Variants in MACROD2 observed in about 807,000 individuals in gnomAD.
The protein encoded by MACROD2 is mono-ADP ribosylhydrolase 2.
Under a neutral mutation model 70.4 loss-of-function variants are expected in MACROD2, and 36 were observed. The ratio of observed to expected loss-of-function variants is 0.51; its 90% CI spans 0.39 to 0.68. MACROD2 has a LOEUF of 0.68. Ranked by LOEUF, MACROD2 falls within the 30% of genes least tolerant of loss-of-function variation. MACROD2 has a pLI of 0.00. For synonymous variants in MACROD2, 172 were observed against 178.8 expected, an observed-to-expected ratio of 0.96 and a Z score of 0.30; for missense variants, 496 against 538.4, an observed-to-expected ratio of 0.92 and a Z score of 0.78.
In MACROD2 at chr20:15,855,633, C is replaced by A. The variant is rs142387672; in HGVS notation, c.646-7112C>A. On this transcript the variant is annotated intron_variant, in intron 8 of 17. Transcript: ENST00000684519. ...ACATCCAGGGAGCCAGCATCCAGAT[C>A]AAAAAACCAGGATCCCAGGCATTTC... is the stretch of plus-strand genomic sequence containing the variant. Among the ~76,000 whole-genome samples the A allele has an allele frequency of 3.3e-5, 5 of 152,270 alleles. No homozygotes were observed. The East Asian group carries it at 7.7e-4, about 24-fold the overall frequency.
intron 5 of MACROD2, among the ~76,000 whole-genome samples, chr20:14,932,444 A>G (rs1160011446): frequency 6.6e-6 from 1 of 152,170 alleles, no homozygotes; most frequent in South Asian, 2.1e-4. Flanking sequence ...GCATCACAAA[A>G]AAACCTGTTA....
In MACROD2 at chr20:14,782,380, T is replaced by G. The variant is rs181992123; in HGVS notation, c.418+97421T>G. On this transcript the variant is annotated intron_variant, in intron 5 of 17. Transcript: ENST00000684519. ...CTATTCAGAAAGCAAAGATAAAACT[T>G]TATACGGCTAGCCAATTCAAGTTAG... Among the ~76,000 whole-genome samples, 369 of 152,216 alleles carry G rather than the reference T, an allele frequency of 2.4e-3. 2 individuals carry two copies. The highest frequency in any genetic ancestry group is 8.7e-3 in the African/African-American group (359 of 41,502).
Position 15,202,629 on chromosome 20 carries a change from A to C in MACROD2, c.419-27311A>C, listed in dbSNP as rs190824561. 1.2e-3 allele frequency among the ~76,000 whole-genome samples: 182 copies of C among 152,314 alleles called. 1 individual carries two copies. The highest frequency in any genetic ancestry group is 5.9e-3 in the Admixed American group (90 of 15,298). On this transcript the variant is annotated intron_variant, in intron 5 of 17. Coordinates refer to ENST00000684519, the MANE Select transcript of MACROD2 (RefSeq NM_001351661.2). The stretch of plus-strand genomic sequence containing the variant: ...AGCATATAAAAGAAAGGAAAGAAAC[A>C]AACTGTTTAATGACCTATCTTGCTG...
intron 10 of MACROD2, among the ~76,000 whole-genome samples, chr20:15,932,246 G>C (rs1020549047): frequency 3.3e-5 from 5 of 152,160 alleles, no homozygotes; most frequent in African/African-American, 1.2e-4. Flanking sequence ...TGGCAGGCCA[G>C]CTTCAACTTC....
intron 8 of MACROD2, among the ~76,000 whole-genome samples, chr20:15,630,369 A>G (rs556182048): frequency 6.6e-6 from 1 of 152,322 alleles, no homozygotes; most frequent in South Asian, 2.1e-4. Context: ...GTGCATCTGA[A>G]CTTGAGCAAT....
chr20:15,332,925 G>A (rs552174309), intron 6 of MACROD2, among the ~76,000 whole-genome samples: 2 of 142,910 alleles, frequency 1.4e-5, no homozygotes, highest in African/African-American at 5.8e-5. Context: ...TAGCAAGGAG[G>A]AAGAGGAAGC....
At chr20:15,252,975 G>C (rs956341893) in intron 6 of MACROD2, among the ~76,000 whole-genome samples, 1 of 152,180 alleles carries the variant, frequency 6.6e-6, no homozygotes, top group Non-Finnish European at 1.5e-5. Flanking sequence ...AATGTATGCT[G>C]TATCAGTCAG....
At chr20:15,952,744 G>A (rs2065923294) in intron 12 of MACROD2, among the ~76,000 whole-genome samples, 1 of 152,122 alleles carries the variant, frequency 6.6e-6, no homozygotes, top group Non-Finnish European at 1.5e-5. Flanking sequence ...TTGAAGAGCT[G>A]CCCTGTATCT....
intron 6 of MACROD2, among the ~76,000 whole-genome samples, chr20:15,429,499 C>T (rs1300709907): frequency 6.6e-6 from 1 of 152,046 alleles, no homozygotes; most frequent in East Asian, 1.9e-4. Flanking sequence ...TTTGTACTCT[C>T]TCTGAAACAA....
intron 8 of MACROD2, among the ~76,000 whole-genome samples, chr20:15,681,259 G>C (rs553703655): frequency 6.6e-6 from 1 of 152,258 alleles, no homozygotes; most frequent in African/African-American, 2.4e-5. Context: ...TGTAATTTGT[G>C]GATAATTTTA....
In MACROD2 at chr20:15,943,272, A is replaced by G. The variant is rs116694179; in HGVS notation, c.907+5728A>G. On this transcript the variant is annotated intron_variant, in intron 12 of 17. Coordinates refer to ENST00000684519, the MANE Select transcript of MACROD2 (RefSeq NM_001351661.2). The stretch of plus-strand genomic sequence containing the variant: ...ACTCAAAATTGCTCTGGAAAACGGC[A>G]TTGTTTCTGTTCTTTGCCTGAACTG... Among the ~76,000 whole-genome samples the G allele has an allele frequency of 3.7e-3, 566 of 152,296 alleles. 4 individuals carry two copies. Among genetic ancestry groups the G allele is most frequent in the African/African-American group, 0.013 (543 of 41,570 alleles).
intron 8 of MACROD2, among the ~76,000 whole-genome samples, chr20:15,668,613 C>A (rs1465830008): frequency 6.6e-6 from 1 of 150,936 alleles, no homozygotes; most frequent in African/African-American, 2.5e-5. Context: ...CTGCGCATTT[C>A]ATTCACATCA....
chr20:14,226,945 CA>C (rs2081742972), intron 3 of MACROD2, among the ~76,000 whole-genome samples: 1 of 152,230 alleles, frequency 6.6e-6, no homozygotes, highest in African/African-American at 2.4e-5. Context: ...GTGCAGGATC[CA>C]CTGGGCGAAG....
chr20:15,522,140 T>C (rs1446427897), intron 8 of MACROD2, among the ~76,000 whole-genome samples: 1 of 152,198 alleles, frequency 6.6e-6, no homozygotes, highest in African/African-American at 2.4e-5. Context: ...GTGCTTGGGA[T>C]GCACAGTTTA....
At chr20:15,479,618 T>C (rs1279880012) in intron 7 of MACROD2, among the ~76,000 whole-genome samples, 1 of 152,188 alleles carries the variant, frequency 6.6e-6, no homozygotes, top group Admixed American at 6.5e-5. Flanking sequence ...TTTTTAGCAG[T>C]TAGCTTCAGC....
intron 5 of MACROD2, among the ~76,000 whole-genome samples, chr20:14,823,154 G>A (rs763085265): frequency 1.3e-5 from 2 of 151,976 alleles, no homozygotes; most frequent in Non-Finnish European, 2.9e-5. Flanking sequence ...AAAAGCTGTG[G>A]ACTCTTATGG....
intron 13 of MACROD2, among the ~76,000 whole-genome samples, chr20:15,980,610 C>A (rs1438158558): frequency 6.6e-6 from 1 of 152,160 alleles, no homozygotes; most frequent in South Asian, 2.1e-4. Context: ...TGGGAACCAC[C>A]TTCTAAACAT....
At chr20:14,732,693 G>A (rs1395842619) in intron 5 of MACROD2, among the ~76,000 whole-genome samples, 1 of 152,090 alleles carries the variant, frequency 6.6e-6, no homozygotes, top group Non-Finnish European at 1.5e-5. Flanking sequence ...GCTGAGCTCT[G>A]TGAAGAATTT....
chr20:15,956,197 T>G (rs1201209989), intron 12 of MACROD2, among the ~76,000 whole-genome samples: 1 of 152,178 alleles, frequency 6.6e-6, no homozygotes, highest in African/African-American at 2.4e-5. Context: ...TGTCTATTAC[T>G]TTTAGTCTTT....
Sources: allele counts gnomAD v4.1 joint callset (sites outside exome capture counted in the v4.1 genomes callset), GRCh38; gene constraint gnomAD v4.1.1; transcripts MANE v1.5; gene names NCBI Gene and HGNC (gene_info 2026-07-23, HGNC 2026-07-21).